Variants in AHI1 observed in about 807,000 individuals in gnomAD.
The protein encoded by AHI1 is Abelson helper integration site 1, also known as jouberin.
A neutral mutation model predicts 149.3 loss-of-function variants in AHI1; 123 were observed. The observed-to-expected ratio is 0.82, with a 90% confidence interval of 0.71 to 0.96. The LOEUF (loss-of-function observed/expected upper bound fraction) is 0.96, where lower values mean the gene tolerates loss of function less well. Among genes scored for constraint, AHI1 ranks in the 40% least tolerant of loss-of-function variants. AHI1 has a pLI of 0.00. For missense variants in AHI1, 1,439 were observed against 1,422.7 expected (o/e 1.01, Z -0.18); for synonymous variants, 475 against 459.8 (o/e 1.03, Z -0.42).
chr6:135,490,479 T>C (rs1161141796), intron 5 of AHI1, 144 bp downstream of exon 5: 2 of 968,830 alleles, frequency 2.1e-6, no homozygotes, highest in African/African-American at 3.3e-5. Flanking sequence ...ATATAAACTT[T>C]ATTTTTACCA....
At chr6:135,449,258 C>T (rs1168981800) in intron 11 of AHI1, among the ~76,000 whole-genome samples, 2 of 152,116 alleles carry the variant, frequency 1.3e-5, no homozygotes, top group Admixed American at 6.6e-5. Flanking sequence ...CCATGTTGGT[C>T]AGGCTGGTCT....
intron 24 of AHI1, among the ~76,000 whole-genome samples, chr6:135,332,357 G>A (rs1186402618): frequency 1.3e-5 from 2 of 152,150 alleles, no homozygotes; most frequent in African/African-American, 4.8e-5. Flanking sequence ...GTAAGCCACC[G>A]CTCCTGGCCC....
chr6:135,413,054 GCA>G (rs1347329251), intron 20 of AHI1, among the ~76,000 whole-genome samples: 1 of 152,114 alleles, frequency 6.6e-6, no homozygotes, highest in African/African-American at 2.4e-5. Context: ...AACTTGCCAG[GCA>G]CAGTGTCTCA....
chr6:135,375,107 C>T (rs990763356), intron 23 of AHI1, among the ~76,000 whole-genome samples: 15 of 152,052 alleles, frequency 9.9e-5, no homozygotes, highest in Non-Finnish European at 1.6e-4. Context: ...TATTGTAAGT[C>T]GAGGAGTATC....
At position 135,300,501 on chromosome 6, in the gene AHI1, G is replaced by A. The variant is rs202082310; in HGVS notation, c.3484C>T (p.His1162Tyr). Residue 1162 changes from histidine to tyrosine, a missense_variant and splice_region_variant, in exon 27 of 29, where the codon CAT (histidine) becomes TAT (tyrosine). Physicochemically the swap from His to Tyr is moderately conservative, Grantham distance 83 (BLOSUM62 2). Transcript: ENST00000265602. ...DFRLGSESMT[H>Y]SEMRKEQSHE... ...AATTATTTTGAAGAAGTTGCTTACT[G>A]TGTCATAGATTCTGAGCCTAGTCTG... 1.3e-5 allele frequency: 21 copies of A among 1,605,038 alleles called. No individual in the cohort carries two copies. The African/African-American group carries it at 2.7e-4, about 20-fold the overall frequency.
chr6:135,466,639 A>G (rs942994526), intron 6 of AHI1, among the ~76,000 whole-genome samples: 3 of 152,176 alleles, frequency 2.0e-5, no homozygotes, highest in Admixed American at 1.3e-4. Flanking sequence ...ATAAGAAGTG[A>G]ATTAATTGCT....
At chr6:135,409,333 G>A (rs1474497347) in intron 21 of AHI1, among the ~76,000 whole-genome samples, 2 of 152,096 alleles carry the variant, frequency 1.3e-5, no homozygotes, top group Non-Finnish European at 2.9e-5. Context: ...TATTTTGGGA[G>A]AGGATCTTCC....
chr6:135,353,285 A>AGCTTATAGTTTATCAGTTCC (rs374292630), intron 24 of AHI1, among the ~76,000 whole-genome samples: 46 of 152,242 alleles, frequency 3.0e-4, no homozygotes, highest in African/African-American at 1.1e-3. Flanking sequence ...AAGTTATAAA[A>AGCTTATAGTTTATCAGTTCC]GCTTATAGTT....
chr6:135,432,888 A>G (rs866880469), intron 16 of AHI1, 139 bp downstream of exon 16: 28 of 628,248 alleles, frequency 4.5e-5, no homozygotes, highest in Middle Eastern at 8.5e-4. Flanking sequence ...TGTCATATCT[A>G]TCATATGACC....
At chr6:135,456,866 T>C (rs1789037655) in intron 9 of AHI1, among the ~76,000 whole-genome samples, 1 of 152,242 alleles carries the variant, frequency 6.6e-6, no homozygotes, top group African/African-American at 2.4e-5. Context: ...AAAAGAAAAA[T>C]ATGAGGTTAG....
intron 5 of AHI1, among the ~76,000 whole-genome samples, chr6:135,475,458 T>C (rs1792447718): frequency 1.3e-5 from 2 of 152,216 alleles, no homozygotes; most frequent in South Asian, 4.1e-4. Context: ...TGGGCCACAC[T>C]GTAACAGTTT....
rs1031839754 is a variant in AHI1 at position 135,446,096 on chromosome 6, C to G, written c.1779+912G>C. Among the ~76,000 whole-genome samples, 5 of 152,076 alleles carry G rather than the reference C, an allele frequency of 3.3e-5. No individual in the cohort carries two copies. The South Asian group carries it at 1.0e-3, about 32-fold the overall frequency. On this transcript the variant is annotated intron_variant, in intron 13 of 28. Coordinates refer to ENST00000265602, the MANE Select transcript of AHI1 (RefSeq NM_001134831.2). ...AGAGAATGGGTCTTGCTACATTGCC[C>G]AGGCTAAAAATCTATGTTATCTGAC...
chr6:135,388,179 T>TA, intron 23 of AHI1: 2 of 857,002 alleles, frequency 2.3e-6, no homozygotes, highest in Non-Finnish European at 3.5e-6. Flanking sequence ...AGTGAATTAA[T>TA]GCCTTTTACC....
At chr6:135,292,109 T>TACACACACACACACAC (rs10646107) in intron 27 of AHI1, among the ~76,000 whole-genome samples, 1 of 148,334 alleles carries the variant, frequency 6.7e-6, no homozygotes, top group South Asian at 2.1e-4. Flanking sequence ...GGCAGCTAAT[T>TACACACACACACACAC]ACACACACAC....
intron 24 of AHI1, among the ~76,000 whole-genome samples, chr6:135,343,892 T>C (rs573115854): frequency 3.9e-5 from 6 of 152,044 alleles, no homozygotes; most frequent in South Asian, 4.1e-4. Context: ...AAAAGTAAAC[T>C]AAACTTTATC....
At chr6:135,359,461 C>A (rs977576434) in intron 23 of AHI1, among the ~76,000 whole-genome samples, 5 of 152,098 alleles carry the variant, frequency 3.3e-5, no homozygotes, top group Non-Finnish European at 7.4e-5. Context: ...GAAAGACACT[C>A]TTATTCATAG....
At chr6:135,494,738 A>G (rs1363258825) in intron 3 of AHI1, among the ~76,000 whole-genome samples, 1 of 152,204 alleles carries the variant, frequency 6.6e-6, no homozygotes, top group Non-Finnish European at 1.5e-5. Flanking sequence ...TATAAATATG[A>G]TAGTTCCAAG....
intron 5 of AHI1, among the ~76,000 whole-genome samples, chr6:135,472,129 A>T (rs779268958): frequency 6.6e-6 from 1 of 150,696 alleles, no homozygotes. Context: ...CAGTCATGTG[A>T]CCACCACCAT....
At chr6:135,475,702 C>T (rs560301884) in intron 5 of AHI1, among the ~76,000 whole-genome samples, 1 of 152,230 alleles carries the variant, frequency 6.6e-6, no homozygotes, top group African/African-American at 2.4e-5. Flanking sequence ...TAAGTGAGTC[C>T]CTTGCAACTC....
Sources: allele counts gnomAD v4.1 joint callset (sites outside exome capture counted in the v4.1 genomes callset), GRCh38; gene constraint gnomAD v4.1.1; transcripts MANE v1.5; gene names NCBI Gene and HGNC (gene_info 2026-07-23, HGNC 2026-07-21).